TXNL4A: variants seen among roughly 807,000 people sequenced by gnomAD.
The protein encoded by TXNL4A is thioredoxin-like protein 4A.
Under a neutral mutation model 14.6 loss-of-function variants are expected in TXNL4A, and 17 were observed. That is an observed-to-expected ratio of 1.16 (90% CI 0.80 to 1.74). TXNL4A has a LOEUF of 1.74. Ranked by LOEUF, TXNL4A falls within the 40% of genes most tolerant of loss-of-function variation. TXNL4A has a pLI of 0.00. For synonymous variants in TXNL4A, 83 were observed against 70.6 expected, an observed-to-expected ratio of 1.18 and a Z score of -0.88; for missense variants, 74 against 195.2, an observed-to-expected ratio of 0.38 and a Z score of 3.70.
upstream of TXNL4A, among the ~76,000 whole-genome samples, chr18:79,989,672 A>C (rs1046380138): frequency 1.5e-4 from 23 of 152,140 alleles, no homozygotes; most frequent in African/African-American, 5.6e-4. Flanking sequence ...CTATCTAGCT[A>C]TCCTGGTGGT....
chr18:80,026,225 G>T (rs56088139), intron 1 of TXNL4A, among the ~76,000 whole-genome samples: 47,820 of 151,910 alleles, frequency 0.31, 8,118 homozygotes, highest in South Asian at 0.48. Context: ...GATAAAAAAG[G>T]AAAAACAGAA....
At chr18:79,988,673 G>T (rs2051598072), upstream of TXNL4A, 2 of 263,202 alleles carry the variant, frequency 7.6e-6, no homozygotes, top group Non-Finnish European at 7.1e-6. Context: ...AGTTGGCCGG[G>T]TGGAGCGGCG....
At position 80,009,366 on chromosome 18, in the gene TXNL4A, C is replaced by T. The variant is rs149945896; in HGVS notation, c.-61+24485G>A. On this transcript the variant is annotated intron_variant, in intron 1 of 2. Coordinates refer to the TXNL4A transcript ENST00000585474. ...TTTGACTTTTCCATATTTCACGGGG[C>T]GTTTATCCTCCGACTTCACACGATT... 2.5e-3 allele frequency among the ~76,000 whole-genome samples: 380 copies of T among 152,148 alleles called. 1 individual carries two copies. The highest frequency in any genetic ancestry group is 4.5e-3 in the Non-Finnish European group (307 of 68,028).
At chr18:79,989,029 G>A (rs2051603583), upstream of TXNL4A, among the ~76,000 whole-genome samples, 1 of 152,168 alleles carries the variant, frequency 6.6e-6, no homozygotes, top group Non-Finnish European at 1.5e-5. Context: ...GTCGAGCAGC[G>A]GGGTAGGGAG....
At chr18:80,030,439 A>G (rs1264127244) in intron 1 of TXNL4A, 3 of 152,234 alleles carry the variant, frequency 2.0e-5, no homozygotes, top group African/African-American at 7.2e-5. Context: ...ACTGATGCCC[A>G]TGAAACAAAC....
At chr18:80,027,595 C>T (rs1313832655) in intron 1 of TXNL4A, among the ~76,000 whole-genome samples, 1 of 152,212 alleles carries the variant, frequency 6.6e-6, no homozygotes, top group East Asian at 1.9e-4. Context: ...CAAAGTCCCA[C>T]TTACTTTTCC....
intron 1 of TXNL4A, chr18:79,986,486 T>C (rs1157501250): frequency 1.2e-6 from 1 of 825,042 alleles, no homozygotes; most frequent in Non-Finnish European, 1.5e-6. Context: ...TGTCCTTAAG[T>C]GTGTGTCCAC....
In TXNL4A at chr18:79,973,926, C is replaced by T. The variant is rs1029677504; in HGVS notation, c.258-70G>A. The stretch of plus-strand genomic sequence containing the variant: ...AAAAAAGAATTCCTTGAAAACAATG[C>T]CGTATTTTTCCCACTGTGACAAGCT... On this transcript the variant is annotated intron_variant, in intron 2 of 2. Coordinates refer to ENST00000269601, the MANE Select transcript of TXNL4A (RefSeq NM_006701.5). 2.5e-6 allele frequency: 4 copies of T among 1,569,240 alleles called. No individual in the cohort carries two copies. In the African/African-American group the frequency reaches 4.1e-5, roughly 16 times the overall value.
At chr18:80,021,786 A>G (rs1315946293) in intron 1 of TXNL4A, among the ~76,000 whole-genome samples, 4 of 152,060 alleles carry the variant, frequency 2.6e-5, no homozygotes, top group Non-Finnish European at 5.9e-5. Context: ...TCTGTTTTTC[A>G]GCTTTTGGCT....
chr18:80,020,800 C>G (rs931705070), intron 1 of TXNL4A, among the ~76,000 whole-genome samples: 1 of 152,176 alleles, frequency 6.6e-6, no homozygotes, highest in Admixed American at 6.5e-5. Context: ...ACCTGTAATG[C>G]CCAAAAATCC....
chr18:79,989,524 T>C (rs2051609405), upstream of TXNL4A, among the ~76,000 whole-genome samples: 1 of 152,196 alleles, frequency 6.6e-6, no homozygotes, highest in Admixed American at 6.5e-5. Context: ...GCCAGTGAAC[T>C]TTCTCAAAGA....
At chr18:79,973,896 T>C in intron 2 of TXNL4A, 40 bp from the exon 3 acceptor site, 1 of 1,595,918 alleles carries the variant, frequency 6.3e-7, no homozygotes, top group Non-Finnish European at 8.5e-7. Flanking sequence ...CATAGAAGTC[T>C]CTTTAAAAAA....
chr18:79,981,778 C>T (rs1318878229), intron 1 of TXNL4A, among the ~76,000 whole-genome samples: 3 of 152,236 alleles, frequency 2.0e-5, no homozygotes, highest in Non-Finnish European at 2.9e-5. Flanking sequence ...CTGCATCTAA[C>T]CCGGAGAATT....
In TXNL4A at chr18:79,973,577, G is replaced by A. The variant is rs2051332683; in HGVS notation, c.*108C>T. 16 of 1,380,406 alleles carry A rather than the reference G, an allele frequency of 1.2e-5. No homozygotes were observed. Among genetic ancestry groups the A allele is most frequent in the South Asian group, 1.5e-5 (1 of 67,610 alleles). The allele number at this position is 1,380,406 out of a possible 1,614,324, so 85.5% of individuals were successfully genotyped here. A position where few individuals can be genotyped will look rare whatever the true frequency, so the allele number is the denominator to read the frequency against. ...CCATGTTATCAATTCCATCTCAGAG[G>A]TGCTCCAGCCCTGGAGCTTCCTGTA... On this transcript the variant is annotated 3_prime_UTR_variant, in exon 3 of 3. Coordinates refer to ENST00000269601, the MANE Select transcript of TXNL4A (RefSeq NM_006701.5).
intron 2 of TXNL4A, chr18:79,976,795 A>G (rs1358934796): frequency 6.6e-6 from 3 of 456,038 alleles, no homozygotes; most frequent in Non-Finnish European, 8.8e-6. Flanking sequence ...TAACTAAACA[A>G]GTAAAAACAG....
At chr18:79,997,400 A>C (rs536974581) in intron 1 of TXNL4A, among the ~76,000 whole-genome samples, 1 of 149,134 alleles carries the variant, frequency 6.7e-6, no homozygotes, top group Non-Finnish European at 1.5e-5. Flanking sequence ...AAAAACAAAA[A>C]AAAACAAGCA....
intron 1 of TXNL4A, among the ~76,000 whole-genome samples, chr18:80,020,537 G>C (rs1301661804): frequency 6.6e-6 from 1 of 152,192 alleles, no homozygotes; most frequent in Non-Finnish European, 1.5e-5. Context: ...CCAAATGGCT[G>C]CTGGGGTGGA....
chr18:80,019,719 C>CGTATT (rs1445911866), intron 1 of TXNL4A, among the ~76,000 whole-genome samples: 1 of 152,168 alleles, frequency 6.6e-6, no homozygotes, highest in African/African-American at 2.4e-5. Flanking sequence ...CAATTATGAG[C>CGTATT]ATACTTTTGG....
Position 79,997,855 on chromosome 18 carries a change from G to C in TXNL4A, c.-60-20154C>G, listed in dbSNP as rs916394445. Among the ~76,000 whole-genome samples the C allele has an allele frequency of 2.0e-5, 3 of 152,226 alleles. 1 individual carries two copies. The South Asian group carries it at 6.2e-4, about 32-fold the overall frequency. On this transcript the variant is annotated intron_variant, in intron 1 of 2. Coordinates refer to the TXNL4A transcript ENST00000585474. ...AAGACAAACTTCAGCGATGCTTGCTGCAAGTTAAGCATTTGGAGGCATATT... is the reference window on the plus strand; with the variant it reads ...AAGACAAACTTCAGCGATGCTTGCTCCAAGTTAAGCATTTGGAGGCATATT...
Sources: gnomAD v4.1 joint callset for allele counts (sites outside exome capture counted in the v4.1 genomes callset) on GRCh38, gnomAD v4.1.1 for gene constraint, MANE v1.5 for transcripts, NCBI Gene and HGNC (gene_info 2026-07-23, HGNC 2026-07-21) for gene names.